The following COL6A5 variants were observed in gnomAD, a reference collection of about 807,000 sequenced individuals.
COL6A5 encodes collagen type VI alpha 5 chain.
A neutral mutation model predicts 65.6 loss-of-function variants in COL6A5; 48 were observed. The observed-to-expected ratio is 0.73, with a 90% CI of 0.58 to 0.93. The LOEUF is 0.93. Among genes scored for constraint, COL6A5 ranks in the 40% least tolerant of loss-of-function variants. The pLI is 0.00. For synonymous variants in COL6A5, 291 were observed against 322.8 expected, an observed-to-expected ratio of 0.90 and a Z score of 1.05; for missense variants, 914 against 928.3, an observed-to-expected ratio of 0.98 and a Z score of 0.20.
chr3:130,439,615 G>A, exon 2 of COL6A5: 1 of 1,548,610 alleles, frequency 6.5e-7, no homozygotes, highest in South Asian at 1.2e-5. Flanking sequence ...ACTTTGCTAT[G>A]GTAAGACCAA....
intron 2 of COL6A5, among the ~76,000 whole-genome samples, chr3:130,375,845 A>G (rs1935747957): frequency 6.6e-6 from 1 of 152,086 alleles, no homozygotes; most frequent in Admixed American, 6.6e-5. Flanking sequence ...AAGCACCTCC[A>G]TGATTCAATT....
intron 5 of COL6A5, among the ~76,000 whole-genome samples, chr3:130,467,491 T>A (rs1284330241): frequency 6.6e-6 from 1 of 151,978 alleles, no homozygotes; most frequent in Non-Finnish European, 1.5e-5. Flanking sequence ...AGACATTACA[T>A]GAAAGGGAAA....
At chr3:130,376,256 A>G in exon 3 of COL6A5, 2 of 1,606,656 alleles carry the variant, frequency 1.2e-6, no homozygotes, top group South Asian at 1.1e-5. Flanking sequence ...CTGTGTATGC[A>G]GATGTCGTGT....
chr3:130,426,338 T>A (rs1223199718), intron 30 of COL6A5, 29 bp from the exon 31 acceptor site: 2 of 1,551,408 alleles, frequency 1.3e-6, no homozygotes, highest in African/African-American at 2.7e-5. Flanking sequence ...CTTGCATTTC[T>A]TTTCTCTCTC....
At chr3:130,461,037 T>C (rs141474516) in intron 5 of COL6A5, among the ~76,000 whole-genome samples, 18 of 152,140 alleles carry the variant, frequency 1.2e-4, no homozygotes, top group African/African-American at 4.1e-4. Flanking sequence ...CATGGAGTTT[T>C]CCTTAACTAT....
intron 8 of COL6A5, among the ~76,000 whole-genome samples, chr3:130,397,248 T>A: frequency 6.6e-6 from 1 of 152,106 alleles, no homozygotes; most frequent in East Asian, 1.9e-4. Flanking sequence ...CGCACACACA[T>A]ACGACAGAGT....
intron 1 of COL6A5, among the ~76,000 whole-genome samples, chr3:130,370,805 T>C (rs551350846): frequency 6.6e-5 from 10 of 152,302 alleles, no homozygotes; most frequent in African/African-American, 2.4e-4. Context: ...TACTCAGCAG[T>C]TCCACCTCTA....
intron 10 of COL6A5, among the ~76,000 whole-genome samples, chr3:130,400,772 T>A (rs1936787114): frequency 6.6e-6 from 1 of 152,244 alleles, no homozygotes; most frequent in African/African-American, 2.4e-5. Context: ...TTCTGTAGAT[T>A]TGTAAATCGT....
At chr3:130,481,128 T>C (rs763725026) in intron 7 of COL6A5, among the ~76,000 whole-genome samples, 6 of 151,950 alleles carry the variant, frequency 3.9e-5, no homozygotes, top group Non-Finnish European at 5.9e-5. Flanking sequence ...ACACGTGCCA[T>C]GGTGGTTTGC....
At chr3:130,484,409 A>T in exon 8 of COL6A5, 3 of 406,282 alleles carry the variant, frequency 7.4e-6, no homozygotes, top group Non-Finnish European at 1.3e-5. Flanking sequence ...ACACATCTGT[A>T]TCTCAGATTG....
chr3:130,395,078 A>C (rs768586106), exon 8 of COL6A5: 19 of 1,551,640 alleles, frequency 1.2e-5, no homozygotes, highest in Non-Finnish European at 1.7e-5. Context: ...TGAGTTGAAA[A>C]ACTCTCTGAC....
At chr3:130,469,200 T>C (rs1378378447) in exon 6 of COL6A5, 1 of 1,613,302 alleles carries the variant, frequency 6.2e-7, no homozygotes, top group Non-Finnish European at 8.5e-7. Flanking sequence ...AATGTCTTTG[T>C]AGGAACCCCC....
intron 4 of COL6A5, among the ~76,000 whole-genome samples, chr3:130,446,286 C>T (rs368405063): frequency 4.0e-5 from 6 of 151,736 alleles, no homozygotes; most frequent in East Asian, 1.9e-4. Flanking sequence ...GGTGAGAGGT[C>T]GAATAAGTGG....
intron 7 of COL6A5, among the ~76,000 whole-genome samples, chr3:130,475,397 T>A (rs1268587110): frequency 6.6e-6 from 1 of 151,948 alleles, no homozygotes; most frequent in Non-Finnish European, 1.5e-5. Context: ...AGGGAACAAC[T>A]CAAATGACTG....
chr3:130,484,278 C>G (rs1443835508), exon 8 of COL6A5: 2 of 529,210 alleles, frequency 3.8e-6, no homozygotes, highest in Non-Finnish European at 6.6e-6. Flanking sequence ...GGAATGATTT[C>G]ATTTCTCCTG....
At chr3:130,406,268 G>A in exon 17 of COL6A5, 1 of 1,550,614 alleles carries the variant, frequency 6.4e-7, no homozygotes, top group South Asian at 1.2e-5. Flanking sequence ...CTTCTTTTAG[G>A]GCTGTCATGG....
chr3:130,403,996 C>A (rs1202670531), intron 13 of COL6A5, among the ~76,000 whole-genome samples: 1 of 152,074 alleles, frequency 6.6e-6, no homozygotes, highest in Non-Finnish European at 1.5e-5. Context: ...GTGGCAGATA[C>A]CTGGGCACCC....
chr3:130,419,006 C>T, intron 25 of COL6A5, 75 bp downstream of exon 25: 2 of 1,214,126 alleles, frequency 1.6e-6, no homozygotes, highest in Admixed American at 4.0e-5. Flanking sequence ...GGGTTGACAC[C>T]TTCAGCCCAA....
intron 7 of COL6A5, among the ~76,000 whole-genome samples, 160 bp downstream of exon 39, chr3:130,471,127 T>A (rs1173618370): frequency 6.6e-6 from 1 of 151,898 alleles, no homozygotes; most frequent in Non-Finnish European, 1.5e-5. Flanking sequence ...TTTGTGATGA[T>A]AGCATAGGTC....
Sources: gnomAD v4.1 joint callset for allele counts (sites outside exome capture counted in the v4.1 genomes callset) on GRCh38, gnomAD v4.1.1 for gene constraint, MANE v1.5 for transcripts, NCBI Gene and HGNC (gene_info 2026-07-23, HGNC 2026-07-21) for gene names.